The following OTUD7B variants were observed in gnomAD, a reference collection of about 807,000 sequenced individuals.
OTUD7B encodes OTU domain-containing protein 7B.
OTUD7B carries 34 observed loss-of-function variants against 82.2 expected under a neutral mutation model. The observed-to-expected ratio is 0.41, with a 90% confidence interval of 0.31 to 0.55. The LOEUF is 0.55. Ranked by LOEUF, OTUD7B falls within the 20% of genes least tolerant of loss-of-function variation. OTUD7B has a pLI of 0.20. For missense variants in OTUD7B, 944 were observed against 1,062.1 expected, an observed-to-expected ratio of 0.89 and a Z score of 1.55; for synonymous variants, 398 against 402.7, an observed-to-expected ratio of 0.99 and a Z score of 0.14.
At chr1:150,033,504 T>C in the OTUD7B span, among the ~76,000 whole-genome samples, 1 of 152,152 alleles carries the variant, frequency 6.6e-6, no homozygotes, top group African/African-American at 2.4e-5. Context: ...AGTGTCTTTA[T>C]GTCACAAAGA....
At chr1:149,953,245 C>CAGTTTCAGCTTTCT (rs1462223485) in intron 7 of OTUD7B, among the ~76,000 whole-genome samples, 4 of 152,140 alleles carry the variant, frequency 2.6e-5, no homozygotes, top group African/African-American at 9.7e-5. Flanking sequence ...GGAAGGGATC[C>CAGTTTCAGCTTTCT]AGTTTCAGCT....
the OTUD7B span, among the ~76,000 whole-genome samples, chr1:150,048,246 C>T: frequency 5.3e-5 from 8 of 152,190 alleles, 1 homozygote; most frequent in East Asian, 9.6e-4. Flanking sequence ...CTCCCACTTT[C>T]GGAAATGCTT....
chr1:150,030,803 T>G, the OTUD7B span, among the ~76,000 whole-genome samples: 33 of 152,238 alleles, frequency 2.2e-4, no homozygotes, highest in Admixed American at 2.2e-3. Flanking sequence ...TGATTACTAT[T>G]GTTTACCTAT....
At chr1:149,946,107 G>A (rs1025962584) in intron 11 of OTUD7B, among the ~76,000 whole-genome samples, 4 of 150,800 alleles carry the variant, frequency 2.7e-5, no homozygotes, top group African/African-American at 4.9e-5. Context: ...GGTCAGGCGC[G>A]GTGGCTCACG....
At chr1:150,046,015 A>C in the OTUD7B span, among the ~76,000 whole-genome samples, 1,076 of 152,366 alleles carry the variant, frequency 7.1e-3, 8 homozygotes, top group Middle Eastern at 0.034. Context: ...TGAACCATTA[A>C]AAATAATTTC....
At chr1:149,987,679 C>G (rs1013427874) in intron 1 of OTUD7B, among the ~76,000 whole-genome samples, 1 of 152,120 alleles carries the variant, frequency 6.6e-6, no homozygotes, top group Non-Finnish European at 1.5e-5. Context: ...TCCTCTACCC[C>G]TCCCAAACAA....
chr1:150,012,121 T>C (rs1653099323), upstream of OTUD7B, among the ~76,000 whole-genome samples: 1 of 152,214 alleles, frequency 6.6e-6, no homozygotes, highest in Non-Finnish European at 1.5e-5. Context: ...GCTTCAAGCG[T>C]ATAAGGGACC....
At chr1:149,953,714 T>C (rs1648446993) in intron 7 of OTUD7B, among the ~76,000 whole-genome samples, 1 of 152,192 alleles carries the variant, frequency 6.6e-6, no homozygotes, top group African/African-American at 2.4e-5. Context: ...TGTGTCCTCT[T>C]TTATTTCATT....
chr1:150,053,696 G>A, the OTUD7B span, among the ~76,000 whole-genome samples: 1 of 151,898 alleles, frequency 6.6e-6, no homozygotes, highest in Non-Finnish European at 1.5e-5. Context: ...ACGCACGGCT[G>A]AACAGACACT....
At chr1:150,055,436 G>T in the OTUD7B span, among the ~76,000 whole-genome samples, 1 of 152,122 alleles carries the variant, frequency 6.6e-6, no homozygotes, top group Non-Finnish European at 1.5e-5. Context: ...GAACACTTCT[G>T]CACTGTTGGT....
the OTUD7B span, among the ~76,000 whole-genome samples, chr1:150,057,812 A>G: frequency 6.6e-6 from 1 of 152,238 alleles, no homozygotes; most frequent in African/African-American, 2.4e-5. Flanking sequence ...ATAATGTTTT[A>G]AACATGTAGA....
At chr1:150,023,631 T>C in the OTUD7B span, among the ~76,000 whole-genome samples, 1 of 152,192 alleles carries the variant, frequency 6.6e-6, no homozygotes, top group Non-Finnish European at 1.5e-5. Context: ...GAGGCTGTGG[T>C]GCAGGGATAG....
chr1:150,045,472 C>A, the OTUD7B span, among the ~76,000 whole-genome samples: 25 of 152,176 alleles, frequency 1.6e-4, no homozygotes, highest in African/African-American at 6.0e-4. Context: ...CTGATCTACA[C>A]CCCCTTTAAT....
chr1:149,940,449 C>G lies in OTUD7B; in HGVS notation c.*3408G>C, dbSNP rs1571569121. On this transcript the variant is annotated 3_prime_UTR_variant, in exon 12 of 12. Coordinates refer to ENST00000581312, the MANE Select transcript of OTUD7B (RefSeq NM_020205.4). ...GTTAAGGGAGAAGCGGAGGCCTATC[C>G]TACAGTAATACTTACTCCATTGGAG... The G allele has an allele frequency of 6.6e-6, 1 of 152,226 alleles. No individual in the cohort carries two copies. Among genetic ancestry groups the G allele is most frequent in the South Asian group, 2.1e-4 (1 of 4,822 alleles). 9.4% of individuals were successfully genotyped at this position (152,226 alleles called of 1,614,324 possible). A position where few individuals can be genotyped will look rare whatever the true frequency, so the allele number is the denominator to read the frequency against.
In OTUD7B at chr1:149,959,665, C is replaced by G. The variant is rs1553775244; in HGVS notation, c.845+19G>C. 6.7e-7 allele frequency: 1 copy of G among 1,495,898 alleles called. No homozygotes were observed. The highest frequency in any genetic ancestry group is 1.4e-5 in the African/African-American group (1 of 72,608). 92.7% of individuals were successfully genotyped at this position (1,495,898 alleles called of 1,614,324 possible). A position where few individuals can be genotyped will look rare whatever the true frequency, so the allele number is the denominator to read the frequency against. On this transcript the variant is annotated intron_variant, in intron 7 of 11. Transcript: ENST00000581312. ...GGACTCTATGCAGGTTTCCTCCTCC[C>G]CTACTTAGCCATACTTACCCACCAC...
chr1:149,974,643 G>A (rs1352522006), intron 2 of OTUD7B, among the ~76,000 whole-genome samples: 7 of 138,770 alleles, frequency 5.0e-5, no homozygotes, highest in Admixed American at 3.1e-4. Context: ...TCTGCCTCCC[G>A]GGTTTAAGAG....
Position 149,943,310 on chromosome 1 carries a change from G to A in OTUD7B, c.*547C>T, listed in dbSNP as rs1647387750. On this transcript the variant is annotated 3_prime_UTR_variant, in exon 12 of 12. Coordinates refer to ENST00000581312, the MANE Select transcript of OTUD7B (RefSeq NM_020205.4). ...CAGGCACCCATGAGGACACATTACTGCCTTGTCTTTCCAGATCCTTCAAGG... is the reference window on the plus strand; with the variant it reads ...CAGGCACCCATGAGGACACATTACTACCTTGTCTTTCCAGATCCTTCAAGG... 6.5e-6 allele frequency: 1 copy of A among 154,686 alleles called. No individual in the cohort carries two copies. The highest frequency in any genetic ancestry group is 2.4e-5 in the African/African-American group (1 of 41,384). 9.6% of individuals were successfully genotyped at this position (154,686 alleles called of 1,614,324 possible). A position where few individuals can be genotyped will look rare whatever the true frequency, so the allele number is the denominator to read the frequency against.
intron 1 of OTUD7B, among the ~76,000 whole-genome samples, chr1:149,988,208 A>T (rs1553781272): frequency 6.6e-6 from 1 of 152,200 alleles, no homozygotes; most frequent in Non-Finnish European, 1.5e-5. Context: ...GAATAAAAAA[A>T]AAAATCTCAA....
the OTUD7B span, among the ~76,000 whole-genome samples, chr1:150,030,476 C>T: frequency 1.3e-5 from 2 of 152,194 alleles, no homozygotes; most frequent in African/African-American, 4.8e-5. Context: ...GAATTTGTGC[C>T]ATTAATGTTT....
Sources: gnomAD v4.1 joint callset for allele counts (sites outside exome capture counted in the v4.1 genomes callset) on GRCh38, gnomAD v4.1.1 for gene constraint, MANE v1.5 for transcripts, NCBI Gene and HGNC (gene_info 2026-07-23, HGNC 2026-07-21) for gene names.